ARHGAP9: variants seen among roughly 807,000 people sequenced by gnomAD.
The protein encoded by ARHGAP9 is Rho GTPase activating protein 9, also known as rho GTPase-activating protein 9.
In ARHGAP9, 76 loss-of-function variants were observed where a neutral mutation model predicts 87.3. The observed-to-expected ratio is 0.87, with a 90% CI of 0.72 to 1.05. ARHGAP9 has a LOEUF of 1.05. ARHGAP9 is among the 50% of genes least tolerant of loss of function. The probability of loss-of-function intolerance (pLI) is 0.00; values close to 1 mark genes in which losing one functional copy is unlikely to be tolerated. For missense variants in ARHGAP9, 941 were observed against 960.5 expected (o/e 0.98, Z 0.27); for synonymous variants, 382 against 394.9 (o/e 0.97, Z 0.39).
At chr12:57,473,971 G>A (rs1252191900) in intron 16 of ARHGAP9, 71 bp downstream of exon 16, 2 of 1,516,338 alleles carry the variant, frequency 1.3e-6, no homozygotes, top group Non-Finnish European at 1.8e-6. Context: ...GAGTATAAGG[G>A]AACCTCTATT....
At chr12:57,486,501 C>A (rs1875408640) in intron 1 of ARHGAP9, among the ~76,000 whole-genome samples, 2 of 151,766 alleles carry the variant, frequency 1.3e-5, no homozygotes, top group African/African-American at 4.8e-5. Flanking sequence ...AACTCCTGAC[C>A]TCAAGTCATC....
intron 6 of ARHGAP9, 36 bp from the exon 7 acceptor site, chr12:57,476,687 C>G (rs762290531): frequency 1.2e-5 from 20 of 1,612,980 alleles, no homozygotes; most frequent in Non-Finnish European, 1.7e-5. Context: ...GTAAGTCACC[C>G]TCGCCCTCCA....
chr12:57,474,626 CT>C lies in ARHGAP9; in HGVS notation c.1728del (p.Glu577SerfsTer22). On this transcript the variant is annotated frameshift_variant and splice_region_variant, in exon 14 of 18. Transcript: ENST00000393791. LOFTEE classifies it high-confidence loss of function. ...VVQKLRFLVD[R>X]ERAVTSDGRY... The stretch of plus-strand genomic sequence containing the variant: ...ACCACTGGCCCACAAGCCTTCTCAC[CT>C]CTGTCCACCAGAAAGCGAAGCTTCT... 5.6e-6 allele frequency: 9 copies of C among 1,614,206 alleles called. No homozygotes were observed. Among genetic ancestry groups the C allele is most frequent in the Non-Finnish European group, 7.6e-6 (9 of 1,180,038 alleles).
intron 16 of ARHGAP9, 81 bp from the exon 17 acceptor site, chr12:57,473,789 C>G: frequency 7.5e-7 from 1 of 1,327,524 alleles, no homozygotes; most frequent in Non-Finnish European, 1.1e-6. Context: ...CTGCTCTTTC[C>G]CACAGGCATG....
chr12:57,478,203 C>T (rs910581315), intron 3 of ARHGAP9: 14 of 334,962 alleles, frequency 4.2e-5, no homozygotes, highest in Non-Finnish European at 6.2e-5. Flanking sequence ...GAGCACAGGG[C>T]TGGCCTTTCA....
At chr12:57,475,727 C>T (rs1000647848) in intron 10 of ARHGAP9, 106 bp downstream of exon 10, 1 of 1,493,222 alleles carries the variant, frequency 6.7e-7, no homozygotes. Context: ...AAGGGCTCTC[C>T]ACTGAGCCCA....
exon 1 of ARHGAP9, chr12:57,488,807 C>T (rs184680523): frequency 3.0e-5 from 25 of 840,754 alleles, no homozygotes; most frequent in Non-Finnish European, 4.5e-5. Flanking sequence ...CCATCTGTTG[C>T]TTCCAGCTGG....
At chr12:57,475,004 T>TGCCA (rs762039853) in intron 12 of ARHGAP9, 31 bp from the exon 13 acceptor site, 1 of 1,603,072 alleles carries the variant, frequency 6.2e-7, no homozygotes, top group Non-Finnish European at 8.5e-7. Flanking sequence ...GGGAAGCCAG[T>TGCCA]GCCAGCGTCA....
chr12:57,477,003 G>C lies in ARHGAP9; in HGVS notation c.871-40C>G, dbSNP rs757474055. On this transcript the variant is annotated intron_variant, in intron 5 of 17. Transcript: ENST00000393791. ...TGGAGAAACAGGTGGGGAAACGCTC[G>C]ACTCAGGGATCCCTGGCTGAAGGAG... 5 of 1,593,714 alleles carry C rather than the reference G, an allele frequency of 3.1e-6. No individual in the cohort carries two copies. In the South Asian group the frequency reaches 5.5e-5, roughly 18 times the overall value.
intron 3 of ARHGAP9, chr12:57,477,911 G>A (rs971171829): frequency 3.7e-5 from 49 of 1,314,176 alleles, no homozygotes; most frequent in South Asian, 6.0e-5. Context: ...CCAACTTCCC[G>A]CCTCCCCCAC....
intron 5 of ARHGAP9, 83 bp from the exon 6 acceptor site, chr12:57,477,046 G>C (rs756068963): frequency 3.3e-6 from 5 of 1,518,752 alleles, no homozygotes; most frequent in South Asian, 1.1e-5. Flanking sequence ...GGTGGGATAC[G>C]GGTGAGAGGT....
Position 57,474,152 on chromosome 12 carries a change from G to T in ARHGAP9, c.1808C>A (p.Thr603Asn). The change falls in exon 16 of 18, where the codon ACT (threonine) becomes AAT (asparagine). Residue 603 changes from threonine to asparagine, a missense_variant. Coordinates refer to ENST00000393791, the MANE Select transcript of ARHGAP9 (RefSeq NM_032496.4). ...GQEGRLDLDS[T>N]EWDDIHVVTG... Reference sequence around the variant, plus strand: ...GACCACATGAATGTCATCCCACTCAGTACTGTCCAAATCTAACCGACCTTC... The same window carrying T: ...GACCACATGAATGTCATCCCACTCATTACTGTCCAAATCTAACCGACCTTC... 1 of 1,614,040 alleles carries T rather than the reference G, an allele frequency of 6.2e-7. No homozygotes were observed. Among genetic ancestry groups the T allele is most frequent in the Non-Finnish European group, 8.5e-7 (1 of 1,179,932 alleles).
chr12:57,482,890 G>A (rs1229593132), upstream of ARHGAP9, among the ~76,000 whole-genome samples: 1 of 151,140 alleles, frequency 6.6e-6, no homozygotes, highest in Non-Finnish European at 1.5e-5. Flanking sequence ...CTGAGGTCAG[G>A]AGTTCAAGAC....
chr12:57,473,392 G>A (rs1438119311), intron 17 of ARHGAP9, among the ~76,000 whole-genome samples: 1 of 152,092 alleles, frequency 6.6e-6, no homozygotes, highest in Admixed American at 6.5e-5. Flanking sequence ...CAGTCTGGGT[G>A]ACAGAGCGAG....
At position 57,477,161 on chromosome 12, in the gene ARHGAP9, G is replaced by T; in HGVS notation, c.865C>A (p.Pro289Thr). 3.1e-6 allele frequency: 5 copies of T among 1,613,504 alleles called. No individual in the cohort carries two copies. The highest frequency in any genetic ancestry group is 4.2e-6 in the Non-Finnish European group (5 of 1,179,654). The part of the protein sequence containing the change: ...SDTGTPEPLD[P>T]QGSLSLSQRT... Reference sequence around the variant, plus strand: ...GGAGATGGGAGGGATCTCACCTGTGGGTCAAGCGGTTCTGGGGTCCCTGTG... The same window carrying T: ...GGAGATGGGAGGGATCTCACCTGTGTGTCAAGCGGTTCTGGGGTCCCTGTG... Residue 289 changes from proline (P) to threonine (T), a missense_variant, in exon 5 of 18, where the codon CCA (proline) becomes ACA (threonine). Transcript: ENST00000393791.
chr12:57,482,573 G>A (rs1283220050), upstream of ARHGAP9, among the ~76,000 whole-genome samples: 1 of 152,088 alleles, frequency 6.6e-6, no homozygotes, highest in East Asian at 1.9e-4. Context: ...GTATGGCAGT[G>A]TGTGCCTTGT....
Position 57,478,613 on chromosome 12 carries a change from T to C in ARHGAP9, c.461A>G (p.Lys154Arg), listed in dbSNP as rs1874560597. The stretch of plus-strand genomic sequence containing the variant: ...TCCGCTTGGTCCTTCCTGGAAAGGC[T>C]TCAGAAGGCTGGGGCTCAGATTGTC... ...STDNLSPSLL[K>R]PFQEGPSGRS... The change falls in exon 3 of 18, where the codon AAG becomes AGG. Residue 154 changes from lysine to arginine, a missense_variant. Transcript: ENST00000393791. 1 of 1,614,014 alleles carries C rather than the reference T, an allele frequency of 6.2e-7. No homozygotes were observed. Among genetic ancestry groups the C allele is most frequent in the South Asian group, 1.1e-5 (1 of 91,070 alleles).
chr12:57,479,536 T>C, intron 1 of ARHGAP9, 112 bp from the exon 2 acceptor site: 3 of 1,491,908 alleles, frequency 2.0e-6, no homozygotes, highest in Non-Finnish European at 2.7e-6. Flanking sequence ...CGGGAGCCCT[T>C]GAGTTGGGGG....
upstream of ARHGAP9, among the ~76,000 whole-genome samples, chr12:57,482,360 T>C (rs1342216120): frequency 1.3e-5 from 2 of 151,960 alleles, no homozygotes; most frequent in East Asian, 3.9e-4. Context: ...CCTGCCTCAT[T>C]CTCCTGAGCA....
Sources: allele counts gnomAD v4.1 joint callset (sites outside exome capture counted in the v4.1 genomes callset), GRCh38; gene constraint gnomAD v4.1.1; transcripts MANE v1.5; gene names NCBI Gene and HGNC (gene_info 2026-07-23, HGNC 2026-07-21).